The following PML variants were observed in gnomAD, a reference collection of about 807,000 sequenced individuals.
The protein encoded by PML is PML nuclear body scaffold.
PML carries 28 observed loss-of-function variants against 65.2 expected under a neutral mutation model. That is an observed-to-expected ratio of 0.43 (90% CI 0.32 to 0.59). PML has a LOEUF of 0.59. Among genes scored for constraint, PML ranks in the 20% least tolerant of loss-of-function variants. The probability of loss-of-function intolerance (pLI) is 0.08; values close to 1 mark genes in which losing one functional copy is unlikely to be tolerated. For synonymous variants in PML, 500 were observed against 508.8 expected (o/e 0.98, Z 0.23); for missense variants, 1,021 against 1,203.4 (o/e 0.85, Z 2.24).
In PML at chr15:74,023,251, C is replaced by A; in HGVS notation, c.1026C>A (p.Asp342Glu). The A allele has an allele frequency of 1.2e-6, 2 of 1,611,104 alleles. No individual in the cohort carries two copies. The highest frequency in any genetic ancestry group is 1.7e-6 in the Non-Finnish European group (2 of 1,179,610). ...LVQRMKCYAS[D>E]QEVLDMHGFL... ...AGAGGATGAAGTGCTACGCCTCGGA[C>A]CAGGAGGTGCTGGACATGCACGGTT... The change falls in exon 3 of 9, where the codon GAC becomes GAA. Residue 342 changes from aspartate (D) to glutamate (E), a missense_variant. Physicochemically the swap from Asp to Glu is conservative, Grantham distance 45. Transcript: ENST00000268058.
chr15:74,005,807 A>G (rs1200272804), intron 2 of PML, among the ~76,000 whole-genome samples: 4 of 152,154 alleles, frequency 2.6e-5, no homozygotes, highest in African/African-American at 7.2e-5. Context: ...GGTCTGTGCT[A>G]TCTGCTCCCA....
chr15:74,023,345 G>A lies in PML; in HGVS notation c.1120G>A (p.Asp374Asn). 1 of 1,603,646 alleles carries A rather than the reference G, an allele frequency of 6.2e-7. No homozygotes were observed. Among genetic ancestry groups the A allele is most frequent in the Non-Finnish European group, 8.5e-7 (1 of 1,179,926 alleles). The part of the protein sequence containing the change: ...PQSLQAAVRT[D>N]GFDEFKVRLQ... ...GAGCCTGCAAGCTGCCGTGCGCACC[G>A]ATGGCTTCGACGAGTTCAAGGTGCG... Residue 374 changes from aspartate to asparagine, a missense_variant, in exon 3 of 9, where the codon GAT (aspartate) becomes AAT (asparagine). By Grantham distance (23) the Asp-to-Asn change is conservative. Transcript: ENST00000268058.
chr15:74,033,476 C>A (rs754394433), intron 6 of PML, 62 bp downstream of exon 6: 15 of 1,588,624 alleles, frequency 9.4e-6, no homozygotes, highest in Non-Finnish European at 1.3e-5. Context: ...CGGTGCCCCT[C>A]TTCTGTATTT....
chr15:74,006,405 A>G (rs918501597), intron 2 of PML, among the ~76,000 whole-genome samples: 1 of 151,760 alleles, frequency 6.6e-6, no homozygotes, highest in African/African-American at 2.4e-5. Context: ...AAAAAAAAAA[A>G]AAAAAGAAAG....
chr15:74,012,423 C>G (rs1373193882), intron 2 of PML, among the ~76,000 whole-genome samples: 2 of 152,212 alleles, frequency 1.3e-5, no homozygotes, highest in South Asian at 2.1e-4. Flanking sequence ...ATCCACCCAC[C>G]TTGGCCTCCC....
intron 2 of PML, among the ~76,000 whole-genome samples, chr15:74,005,383 T>A (rs1304563649): frequency 6.6e-6 from 1 of 152,220 alleles, no homozygotes; most frequent in Non-Finnish European, 1.5e-5. Flanking sequence ...TTACTACTGT[T>A]GTTATATGGA....
At position 74,014,578 on chromosome 15, in the gene PML, A is replaced by G. The variant is rs554572231; in HGVS notation, c.603-8250A>G. Among the ~76,000 whole-genome samples, 8 of 152,006 alleles carry G rather than the reference A, an allele frequency of 5.3e-5. No homozygotes were observed. In the East Asian group the frequency reaches 9.8e-4, roughly 19 times the overall value. On this transcript the variant is annotated intron_variant, in intron 2 of 8. Coordinates refer to ENST00000268058, the MANE Select transcript of PML (RefSeq NM_033238.3). ...GGAGTTCGAGACGAGCCTGACCAAT[A>G]TGGTGAAAACCTGTCTCTACTAAAA...
chr15:74,007,232 G>T (rs2070104358), intron 2 of PML, among the ~76,000 whole-genome samples: 1 of 152,218 alleles, frequency 6.6e-6, no homozygotes, highest in South Asian at 2.1e-4. Flanking sequence ...TTTTAGTCAT[G>T]AGAGAAGCTC....
Position 74,042,284 on chromosome 15 carries a change from C to T in PML, c.1711-705C>T, listed in dbSNP as rs1377566857. 1 of 837,680 alleles carries T rather than the reference C, an allele frequency of 1.2e-6. No individual in the cohort carries two copies. Among genetic ancestry groups the T allele is most frequent in the Non-Finnish European group, 1.4e-6 (1 of 695,084 alleles). 51.9% of individuals were successfully genotyped at this position (837,680 alleles called of 1,614,324 possible). On this transcript the variant is annotated intron_variant, in intron 7 of 8. Transcript: ENST00000268058. The surrounding 1 kb of genome is among the most constrained non-coding windows in gnomAD (Gnocchi z 5.3). ...CTGCTGGGGCAGATGCCAAGAGCCT[C>T]CACTGCTCTCTCACTGCCAAGGACC...
Position 74,045,982 on chromosome 15 carries a change from GCTC to G in PML, c.*979_*981del, listed in dbSNP as rs1179534124. The G allele has an allele frequency of 4.3e-6, 1 of 232,412 alleles. No individual in the cohort carries two copies. The highest frequency in any genetic ancestry group is 8.5e-6 in the Non-Finnish European group (1 of 117,582). 14.4% of individuals were successfully genotyped at this position (232,412 alleles called of 1,614,324 possible). On this transcript the variant is annotated 3_prime_UTR_variant, in exon 9 of 9. Transcript: ENST00000268058. ...TTGAGAACCGCTGCTCTCATAGACT[GCTC>G]CTCCAAGGGGAAGCAGTGTGGAACA...
At chr15:74,020,771 G>C (rs1343636954) in intron 2 of PML, among the ~76,000 whole-genome samples, 1 of 152,110 alleles carries the variant, frequency 6.6e-6, no homozygotes, top group African/African-American at 2.4e-5. Context: ...GCCTTTCCCA[G>C]CTTCTAGAGG....
Position 74,023,288 on chromosome 15 carries a change from GCGCTC to G in PML, c.1064_1068del (p.Ala355ValfsTer59). ...GGACATGCACGGTTTCCTGCGCCAG[GCGCTC>G]TGCCGCCTGCGCCAGGAGGAGCCCC... On this transcript the variant is annotated frameshift_variant, in exon 3 of 9. Coordinates refer to ENST00000268058, the MANE Select transcript of PML (RefSeq NM_033238.3). LOFTEE classifies it high-confidence loss of function. 6.2e-7 allele frequency: 1 copy of G among 1,609,896 alleles called. No individual in the cohort carries two copies.
chr15:74,046,403 C>T lies in PML; in HGVS notation c.*1395C>T, dbSNP rs1041630946. 6 of 232,978 alleles carry T rather than the reference C, an allele frequency of 2.6e-5. No individual in the cohort carries two copies. The highest frequency in any genetic ancestry group is 1.1e-4 in the African/African-American group (5 of 45,318). 14.4% of individuals were successfully genotyped at this position (232,978 alleles called of 1,614,324 possible). A position where few individuals can be genotyped will look rare whatever the true frequency, so the allele number is the denominator to read the frequency against. ...GGGATGCTTCCCAAGCAGCCCAGGC[C>T]TCTAGCCTCCATGGCTGATGACCTC... On this transcript the variant is annotated 3_prime_UTR_variant, in exon 9 of 9. Coordinates refer to ENST00000268058, the MANE Select transcript of PML (RefSeq NM_033238.3).
chr15:74,036,958 C>G (rs117637627), intron 7 of PML: 1 of 985,430 alleles, frequency 1.0e-6, no homozygotes. Flanking sequence ...TCCAGCCCCG[C>G]GCACTCCCCA....
Position 74,023,224 on chromosome 15 carries a change from G to A in PML, c.999G>A (p.Val333=), listed in dbSNP as rs138129034. Residue 333 remains valine, a synonymous_variant, in exon 3 of 9, where the codon GTG becomes GTA. Coordinates refer to ENST00000268058, the MANE Select transcript of PML (RefSeq NM_033238.3). ...GCATCCGCACGGGCAGCGCGCTGGT[G>A]CAGAGGATGAAGTGCTACGCCTCGG... ...LQRIRTGSAL[V]QRMKCYASDQ... 2.1e-4 allele frequency: 334 copies of A among 1,610,728 alleles called. 1 individual carries two copies. Among genetic ancestry groups the A allele is most frequent in the South Asian group, 8.8e-4 (80 of 91,024 alleles).
chr15:74,028,425 CT>C (rs1165637197), intron 4 of PML: 1 of 136,852 alleles, frequency 7.3e-6, no homozygotes, highest in African/African-American at 2.7e-5. Flanking sequence ...AGAGCAGGAC[CT>C]TTTAAACTCC....
Position 73,998,457 on chromosome 15 carries a change from C to T in PML, c.583C>T (p.Arg195Cys). ...CATCTTCTGCTCCAACCCCAACCAC[C>T]GCACCCCTACGCTGACCAGGTGAGT... is the stretch of plus-strand genomic sequence containing the variant. ...NNIFCSNPNH[R>C]TPTLTSIYCR... is the part of the protein sequence containing the mutation. The change falls in exon 2 of 9, where the codon CGC (arginine) becomes TGC (cysteine). Residue 195 changes from arginine to cysteine, a missense_variant. Transcript: ENST00000268058. 6.2e-7 allele frequency: 1 copy of T among 1,613,920 alleles called. No homozygotes were observed. The highest frequency in any genetic ancestry group is 1.1e-5 in the South Asian group (1 of 91,070).
intron 2 of PML, among the ~76,000 whole-genome samples, chr15:74,006,390 C>CAAAA (rs372202858): frequency 0.013 from 1,102 of 86,104 alleles, 33 homozygotes; most frequent in South Asian, 0.02. Flanking sequence ...GACTCCGTCT[C>CAAAA]AAAAAAAAAA....
Position 74,017,802 on chromosome 15 carries a change from T to G in PML, c.603-5026T>G, listed in dbSNP as rs1406968562. Among the ~76,000 whole-genome samples, 6 of 152,288 alleles carry G rather than the reference T, an allele frequency of 3.9e-5. No homozygotes were observed. In the East Asian group the frequency reaches 1.2e-3, roughly 29 times the overall value. On this transcript the variant is annotated intron_variant, in intron 2 of 8. Coordinates refer to ENST00000268058, the MANE Select transcript of PML (RefSeq NM_033238.3). ...TACCATATTCTCTTAATAATGGCAT[T>G]TCTATAATGTGTTATCCCTTCCTTA...
Sources: allele counts gnomAD v4.1 joint callset (sites outside exome capture counted in the v4.1 genomes callset), GRCh38; gene constraint gnomAD v4.1.1; non-coding constraint Gnocchi (gnomAD v3.1); transcripts MANE v1.5; gene names NCBI Gene and HGNC (gene_info 2026-07-23, HGNC 2026-07-21).